Variants in ADAMTS17 observed in about 807,000 individuals in gnomAD.
ADAMTS17 encodes ADAM metallopeptidase with thrombospondin type 1 motif 17.
In ADAMTS17, 113 loss-of-function variants were observed where a neutral mutation model predicts 141.5. The observed-to-expected ratio is 0.80, with a 90% CI of 0.69 to 0.93. The LOEUF is 0.93. ADAMTS17 is among the 40% of genes least tolerant of loss of function. The pLI is 0.00. For synonymous variants in ADAMTS17, 768 were observed against 630.6 expected (o/e 1.22, Z -3.27); for missense variants, 1,659 against 1,517.9 (o/e 1.09, Z -1.54).
At chr15:100,107,505 G>A (rs1433494720) in intron 14 of ADAMTS17, among the ~76,000 whole-genome samples, 2 of 152,150 alleles carry the variant, frequency 1.3e-5, no homozygotes, top group East Asian at 1.9e-4. Context: ...AGGGCAGAGC[G>A]CTCCCTGGGT....
chr15:100,258,818 G>A (rs2043418740), intron 6 of ADAMTS17, among the ~76,000 whole-genome samples: 2 of 152,142 alleles, frequency 1.3e-5, no homozygotes, highest in African/African-American at 2.4e-5. Flanking sequence ...AGTTAGGAGG[G>A]TGAAAAATGA....
chr15:100,277,794 C>T (rs1481256284), intron 4 of ADAMTS17, among the ~76,000 whole-genome samples: 1 of 152,120 alleles, frequency 6.6e-6, no homozygotes, highest in Admixed American at 6.5e-5. Context: ...AGGTGTATGC[C>T]CAAAAGAATT....
At chr15:100,241,855 C>A (rs770408250) in intron 7 of ADAMTS17, among the ~76,000 whole-genome samples, 1 of 152,194 alleles carries the variant, frequency 6.6e-6, no homozygotes, top group African/African-American at 2.4e-5. Context: ...TAATCCAAGT[C>A]GTCTATGCTA....
intron 18 of ADAMTS17, among the ~76,000 whole-genome samples, chr15:100,004,259 A>T (rs547045441): frequency 6.6e-6 from 1 of 152,230 alleles, no homozygotes; most frequent in African/African-American, 2.4e-5. Context: ...GCTGTTTTTC[A>T]GCTAGACTTT....
chr15:100,337,236 T>C (rs2141981448), intron 2 of ADAMTS17, among the ~76,000 whole-genome samples: 1 of 152,342 alleles, frequency 6.6e-6, no homozygotes, highest in African/African-American at 2.4e-5. Flanking sequence ...ATGCATTCTC[T>C]AAAGTTCTCA....
chr15:100,212,834 A>G (rs972485077), intron 7 of ADAMTS17, among the ~76,000 whole-genome samples: 25 of 97,824 alleles, frequency 2.6e-4, no homozygotes, highest in African/African-American at 9.3e-4. Flanking sequence ...TTGACTCTTT[A>G]TTATGCCTGG....
At chr15:100,288,276 G>A (rs1455623607) in intron 3 of ADAMTS17, among the ~76,000 whole-genome samples, 2 of 152,088 alleles carry the variant, frequency 1.3e-5, no homozygotes, top group South Asian at 4.1e-4. Context: ...AGACAAAGAA[G>A]GGCATTACAT....
In ADAMTS17 at chr15:100,205,904, G is replaced by C. The variant is rs147831760; in HGVS notation, c.1076-6481C>G. On this transcript the variant is annotated intron_variant, in intron 7 of 21. Transcript: ENST00000268070. Reference sequence around the variant, plus strand: ...GTCTCTGAAAGACAGCTGTGCCAGGGACCGAGCCCAGGTCTGGCCCCTCCA... The same window carrying C: ...GTCTCTGAAAGACAGCTGTGCCAGGCACCGAGCCCAGGTCTGGCCCCTCCA... Among the ~76,000 whole-genome samples, 29 of 152,268 alleles carry C rather than the reference G, an allele frequency of 1.9e-4. 1 individual carries two copies. The East Asian group carries it at 5.6e-3, about 30-fold the overall frequency.
At chr15:100,173,038 C>T (rs116743827) in intron 8 of ADAMTS17, among the ~76,000 whole-genome samples, 361 of 152,210 alleles carry the variant, frequency 2.4e-3, no homozygotes, top group African/African-American at 8.0e-3. Flanking sequence ...TAAGCCCAAG[C>T]GGTCTAAGGG....
chr15:100,286,907 A>G (rs577121927), intron 3 of ADAMTS17, among the ~76,000 whole-genome samples: 6 of 152,356 alleles, frequency 3.9e-5, no homozygotes, highest in African/African-American at 1.4e-4. Flanking sequence ...ACAGGAGCTA[A>G]AAGATGAAAC....
At chr15:100,255,422 TAA>T (rs2043291775) in intron 6 of ADAMTS17, among the ~76,000 whole-genome samples, 1 of 152,108 alleles carries the variant, frequency 6.6e-6, no homozygotes, top group African/African-American at 2.4e-5. Context: ...AGGAATATCA[TAA>T]AGAGATGAAA....
chr15:100,206,148 G>C (rs539036014), intron 7 of ADAMTS17, among the ~76,000 whole-genome samples: 101 of 152,328 alleles, frequency 6.6e-4, no homozygotes, highest in South Asian at 1.9e-3. Flanking sequence ...GGTGATGAGT[G>C]CCTTGGAGTT....
At chr15:100,075,128 A>G (rs899984547) in intron 15 of ADAMTS17, among the ~76,000 whole-genome samples, 1 of 152,228 alleles carries the variant, frequency 6.6e-6, no homozygotes, top group Non-Finnish European at 1.5e-5. Flanking sequence ...GATATTACAA[A>G]ATAAGGAAAT....
At chr15:100,325,087 A>G (rs1420169739) in intron 3 of ADAMTS17, among the ~76,000 whole-genome samples, 2 of 152,170 alleles carry the variant, frequency 1.3e-5, no homozygotes, top group Non-Finnish European at 2.9e-5. Flanking sequence ...TTAGACATTT[A>G]TGACGGTTCG....
chr15:100,305,757 A>C (rs908632670), intron 3 of ADAMTS17: 1 of 152,246 alleles, frequency 6.6e-6, no homozygotes, highest in Non-Finnish European at 1.5e-5. Flanking sequence ...GGTGGCTCAC[A>C]CCTGTAATCC....
intron 3 of ADAMTS17, among the ~76,000 whole-genome samples, chr15:100,315,814 C>T (rs529618325): frequency 6.6e-6 from 1 of 152,380 alleles, no homozygotes; most frequent in East Asian, 1.9e-4. Flanking sequence ...CATTTAAACA[C>T]TGCCCCAGGC....
chr15:100,155,138 C>T (rs1045841070), intron 9 of ADAMTS17, 42 bp downstream of exon 9: 7 of 1,613,830 alleles, frequency 4.3e-6, no homozygotes, highest in African/African-American at 2.7e-5. Context: ...TTTGGAAGTA[C>T]TTTTGATTGC....
intron 8 of ADAMTS17, among the ~76,000 whole-genome samples, chr15:100,183,205 T>C (rs948957862): frequency 6.6e-6 from 1 of 152,186 alleles, no homozygotes; most frequent in Non-Finnish European, 1.5e-5. Context: ...ACCAGGTTGG[T>C]CTGGAAGTCC....
chr15:100,148,761 G>C (rs889880506), intron 10 of ADAMTS17, among the ~76,000 whole-genome samples: 1 of 151,950 alleles, frequency 6.6e-6, no homozygotes, highest in African/African-American at 2.4e-5. Context: ...AGGTGGGCAG[G>C]GGAGGGTACC....
Sources: allele counts gnomAD v4.1 joint callset (sites outside exome capture counted in the v4.1 genomes callset), GRCh38; gene constraint gnomAD v4.1.1; transcripts MANE v1.5; gene names NCBI Gene and HGNC (gene_info 2026-07-23, HGNC 2026-07-21).